The following TLL1 variants were observed in gnomAD, a reference collection of about 807,000 sequenced individuals.
TLL1 encodes the protein tolloid like 1.
A neutral mutation model predicts 128.2 loss-of-function variants in TLL1; 49 were observed. The ratio of observed to expected loss-of-function variants is 0.38; its 90% CI spans 0.30 to 0.48. The LOEUF (loss-of-function observed/expected upper bound fraction) is 0.48. TLL1 is among the 20% of genes least tolerant of loss of function. The pLI, the probability that TLL1 is intolerant of heterozygous loss-of-function variation, is 0.96. For missense variants in TLL1, 1,123 were observed against 1,242.0 expected, an observed-to-expected ratio of 0.90 and a Z score of 1.44; for synonymous variants, 454 against 418.8, an observed-to-expected ratio of 1.08 and a Z score of -1.03.
At position 166,077,003 on chromosome 4, in the gene TLL1, A is replaced by G. The variant is rs538546689; in HGVS notation, c.2315-900A>G. ...GTATAACAAGTGTGTTGTCCATTGA[A>G]TAAAGTATTTCACCAAATATATTGC... On this transcript the variant is annotated intron_variant, in intron 17 of 20. Coordinates refer to ENST00000061240, the MANE Select transcript of TLL1 (RefSeq NM_012464.5). 1.4e-4 allele frequency among the ~76,000 whole-genome samples: 22 copies of G among 152,292 alleles called. 1 individual carries two copies. The highest frequency in any genetic ancestry group is 3.9e-4 in the Admixed American group (6 of 15,284).
At chr4:165,874,565 C>T (rs1206646174) in intron 1 of TLL1, among the ~76,000 whole-genome samples, 1 of 152,162 alleles carries the variant, frequency 6.6e-6, no homozygotes, top group Non-Finnish European at 1.5e-5. Flanking sequence ...TTGGCTCCCT[C>T]TTTTACCAGG....
intron 1 of TLL1, among the ~76,000 whole-genome samples, chr4:165,929,321 G>C (rs1284157508): frequency 6.6e-6 from 1 of 152,058 alleles, no homozygotes; most frequent in African/African-American, 2.4e-5. Flanking sequence ...GGCGGATCAC[G>C]AGGTCAAGAG....
At chr4:165,946,871 G>A (rs1035580888) in intron 1 of TLL1, among the ~76,000 whole-genome samples, 1 of 152,024 alleles carries the variant, frequency 6.6e-6, no homozygotes, top group Non-Finnish European at 1.5e-5. Flanking sequence ...AGGGAATGAG[G>A]AACATGTGAT....
chr4:166,088,957 G>C (rs557542704), intron 18 of TLL1, among the ~76,000 whole-genome samples: 2 of 152,242 alleles, frequency 1.3e-5, no homozygotes, highest in Admixed American at 6.6e-5. Flanking sequence ...AACATGTGTG[G>C]TCTGTAAACT....
At chr4:166,075,846 C>T (rs1198344407) in intron 17 of TLL1, among the ~76,000 whole-genome samples, 1 of 152,102 alleles carries the variant, frequency 6.6e-6, no homozygotes, top group African/African-American at 2.4e-5. Flanking sequence ...AGAGAATATC[C>T]TGAGTTGACC....
At chr4:166,055,897 G>A (rs1382248289) in intron 13 of TLL1, among the ~76,000 whole-genome samples, 1 of 152,004 alleles carries the variant, frequency 6.6e-6, no homozygotes, top group East Asian at 1.9e-4. Flanking sequence ...CTTATGTTGT[G>A]TGTCATTATA....
chr4:165,889,169 G>A (rs374854192), intron 1 of TLL1, among the ~76,000 whole-genome samples: 3 of 152,134 alleles, frequency 2.0e-5, no homozygotes, highest in African/African-American at 7.2e-5. Context: ...ACTTTTAAAT[G>A]TTAAACATCA....
At chr4:165,959,701 A>G (rs1445599762) in intron 1 of TLL1, among the ~76,000 whole-genome samples, 1 of 152,108 alleles carries the variant, frequency 6.6e-6, no homozygotes, top group Non-Finnish European at 1.5e-5. Context: ...TTTCAAAACC[A>G]CACTATTGCA....
At chr4:166,042,376 A>G (rs1739278019) in intron 11 of TLL1, among the ~76,000 whole-genome samples, 1 of 152,218 alleles carries the variant, frequency 6.6e-6, no homozygotes, top group African/African-American at 2.4e-5. Flanking sequence ...ATGTGTGGAG[A>G]AAAAAGCAAA....
At chr4:165,932,816 C>T (rs1010121811) in intron 1 of TLL1, among the ~76,000 whole-genome samples, 1 of 151,834 alleles carries the variant, frequency 6.6e-6, no homozygotes. Flanking sequence ...AAACTTCCTC[C>T]GAGACAATAA....
At chr4:166,008,277 A>C (rs1335204129) in intron 7 of TLL1, among the ~76,000 whole-genome samples, 1 of 151,620 alleles carries the variant, frequency 6.6e-6, no homozygotes, top group Non-Finnish European at 1.5e-5. Flanking sequence ...AATATATAAA[A>C]TTTATACCAA....
At chr4:165,948,995 A>T (rs1734386339) in intron 1 of TLL1, among the ~76,000 whole-genome samples, 1 of 152,150 alleles carries the variant, frequency 6.6e-6, no homozygotes, top group Admixed American at 6.6e-5. Context: ...TTCAGATATA[A>T]TTAAGATGTA....
At chr4:165,947,355 T>C (rs1393852) in intron 1 of TLL1, among the ~76,000 whole-genome samples, 22,515 of 152,042 alleles carry the variant, frequency 0.15, 4,619 homozygotes, top group African/African-American at 0.47. Context: ...TTCAACGTAT[T>C]ACTTTCCTTG....
At chr4:165,990,572 T>C (rs1310855242) in intron 2 of TLL1, among the ~76,000 whole-genome samples, 2 of 151,992 alleles carry the variant, frequency 1.3e-5, no homozygotes, top group East Asian at 3.9e-4. Context: ...TAACAGTTTA[T>C]GATTTTCACT....
intron 1 of TLL1, among the ~76,000 whole-genome samples, chr4:165,882,237 C>T (rs771219102): frequency 3.3e-5 from 5 of 152,070 alleles, no homozygotes; most frequent in Non-Finnish European, 7.4e-5. Context: ...CTGGCAAATT[C>T]AAAATATATA....
intron 1 of TLL1, among the ~76,000 whole-genome samples, chr4:165,906,663 C>A (rs1186822403): frequency 1.3e-5 from 2 of 151,994 alleles, no homozygotes; most frequent in Non-Finnish European, 2.9e-5. Context: ...TTAATTATTG[C>A]AGTTTTTCAG....
At chr4:165,984,277 T>C (rs1218549328) in intron 1 of TLL1, among the ~76,000 whole-genome samples, 3 of 151,942 alleles carry the variant, frequency 2.0e-5, no homozygotes, top group Non-Finnish European at 2.9e-5. Context: ...AAATTTGGAA[T>C]TTGTGATAAC....
intron 1 of TLL1, among the ~76,000 whole-genome samples, chr4:165,921,570 C>T (rs950123213): frequency 6.6e-6 from 1 of 152,090 alleles, no homozygotes; most frequent in African/African-American, 2.4e-5. Flanking sequence ...CCCCGGGGAC[C>T]CTTCTTTCAA....
chr4:165,944,902 G>A (rs1734175577), intron 1 of TLL1, among the ~76,000 whole-genome samples: 1 of 152,130 alleles, frequency 6.6e-6, no homozygotes, highest in Non-Finnish European at 1.5e-5. Context: ...CAATTAGGCA[G>A]TGGATATGGG....
Sources: allele counts gnomAD v4.1 joint callset (sites outside exome capture counted in the v4.1 genomes callset), GRCh38; gene constraint gnomAD v4.1.1; transcripts MANE v1.5; gene names NCBI Gene and HGNC (gene_info 2026-07-23, HGNC 2026-07-21).